Variants in WDHD1 observed in about 807,000 individuals in gnomAD.
WDHD1 encodes WD repeat and HMG-box DNA binding protein 1.
A neutral mutation model predicts 135.4 loss-of-function variants in WDHD1; 111 were observed. The ratio of observed to expected loss-of-function variants is 0.82; its 90% CI spans 0.70 to 0.96. WDHD1 has a LOEUF of 0.96. Ranked by LOEUF, WDHD1 falls within the 40% of genes least tolerant of loss-of-function variation. WDHD1 has a pLI of 0.00. For missense variants in WDHD1, 1,351 were observed against 1,336.3 expected, an observed-to-expected ratio of 1.01 and a Z score of -0.17; for synonymous variants, 434 against 439.0, an observed-to-expected ratio of 0.99 and a Z score of 0.14.
intron 12 of WDHD1, among the ~76,000 whole-genome samples, chr14:54,990,406 T>C (rs1009214237): frequency 6.6e-6 from 1 of 151,870 alleles, no homozygotes; most frequent in Non-Finnish European, 1.5e-5. Context: ...GACCATCCTG[T>C]CTAACATGGT....
At chr14:55,009,823 CT>C (rs1566741142) in intron 4 of WDHD1, among the ~76,000 whole-genome samples, 1 of 151,824 alleles carries the variant, frequency 6.6e-6, no homozygotes, top group African/African-American at 2.4e-5. Context: ...TATTTCTTTC[CT>C]TTTTTTCTTT....
chr14:55,005,672 T>C (rs987633033), intron 7 of WDHD1: 4 of 534,896 alleles, frequency 7.5e-6, no homozygotes, highest in Non-Finnish European at 1.4e-5. Flanking sequence ...TTGCAGGACA[T>C]AGAGGTTCTA....
intron 8 of WDHD1, 128 bp from the exon 9 acceptor site, chr14:55,001,120 A>AT: frequency 2.0e-6 from 1 of 497,408 alleles, no homozygotes. Context: ...CCAAATTCAA[A>AT]TTTTTATATC....
chr14:54,961,384 A>G (rs772337041), intron 21 of WDHD1, among the ~76,000 whole-genome samples: 7 of 152,170 alleles, frequency 4.6e-5, no homozygotes, highest in African/African-American at 1.7e-4. Flanking sequence ...ACAGATCTGC[A>G]TGACTTGGCT....
chr14:54,986,383 G>T (rs1402462479), intron 14 of WDHD1, among the ~76,000 whole-genome samples: 1 of 152,024 alleles, frequency 6.6e-6, no homozygotes, highest in Admixed American at 6.6e-5. Flanking sequence ...ATCCAGACTT[G>T]TATTGAACTC....
At position 54,995,638 on chromosome 14, in the gene WDHD1, C is replaced by A; in HGVS notation, c.1118G>T (p.Arg373Leu). ...LMMASGRPRQRSHILEDDENS... is the reference protein window; with the variant it reads ...LMMASGRPRQLSHILEDDENS... ...TTCATCATCTTCTAGGATGTGACTTCGCTGTCTAGGACGACCTGAAGCCAT... is the reference window on the plus strand; with the variant it reads ...TTCATCATCTTCTAGGATGTGACTTAGCTGTCTAGGACGACCTGAAGCCAT... The change falls in exon 11 of 26, where the codon CGA (arginine) becomes CTA (leucine). Residue 373 changes from arginine to leucine, a missense_variant. This residue lies in a region of WDHD1 where 1,330 missense variants were observed against 1,296.1 expected (regional missense o/e 1.03). Transcript: ENST00000360586. 6.2e-7 allele frequency: 1 copy of A among 1,609,332 alleles called. No individual in the cohort carries two copies. The highest frequency in any genetic ancestry group is 8.5e-7 in the Non-Finnish European group (1 of 1,177,980).
At chr14:54,956,936 A>C in intron 23 of WDHD1, 98 bp downstream of exon 23, 3 of 1,430,906 alleles carry the variant, frequency 2.1e-6, no homozygotes, top group Non-Finnish European at 2.8e-6. Context: ...AATTGTAAAC[A>C]ATCAGAACCT....
chr14:55,000,054 A>G (rs2041953745), intron 10 of WDHD1, among the ~76,000 whole-genome samples: 1 of 152,222 alleles, frequency 6.6e-6, no homozygotes, highest in Admixed American at 6.5e-5. Context: ...AGTCTAAACT[A>G]AGACTTGAAT....
chr14:54,990,717 C>A (rs1187932024), intron 12 of WDHD1, among the ~76,000 whole-genome samples: 1 of 152,046 alleles, frequency 6.6e-6, no homozygotes, highest in Non-Finnish European at 1.5e-5. Flanking sequence ...AAGAACATAT[C>A]AGTAAACAAA....
At chr14:55,003,922 G>A (rs1299316266) in intron 7 of WDHD1, among the ~76,000 whole-genome samples, 2 of 152,102 alleles carry the variant, frequency 1.3e-5, no homozygotes, top group Non-Finnish European at 2.9e-5. Flanking sequence ...TCTTTCTAAT[G>A]GGTTTCTATT....
intron 2 of WDHD1, among the ~76,000 whole-genome samples, chr14:55,021,397 A>G (rs1415319836): frequency 6.7e-6 from 1 of 148,876 alleles, no homozygotes; most frequent in East Asian, 2.0e-4. Flanking sequence ...TTTAGTGTCT[A>G]TTAGCGTTCC....
chr14:54,981,659 T>TA lies in WDHD1; in HGVS notation c.1943_1944insT (p.Met649AsnfsTer3). On this transcript the variant is annotated frameshift_variant, in exon 16 of 26. Coordinates refer to ENST00000360586, the MANE Select transcript of WDHD1 (RefSeq NM_007086.4). LOFTEE classifies it high-confidence loss of function. ...TATTACCAAGTCCTCTGTTAAGCAT[T>TA]CGAACAATTCCTTCTGAATCCACGT... is the stretch of plus-strand genomic sequence containing the variant. 1 of 1,611,696 alleles carries TA rather than the reference T, an allele frequency of 6.2e-7. No homozygotes were observed. The highest frequency in any genetic ancestry group is 8.5e-7 in the Non-Finnish European group (1 of 1,178,192).
intron 2 of WDHD1, among the ~76,000 whole-genome samples, chr14:55,021,465 G>C (rs1041393498): frequency 6.6e-6 from 1 of 151,564 alleles, no homozygotes; most frequent in Non-Finnish European, 1.5e-5. Context: ...AATGTGCAGC[G>C]GCACAATCTC....
intron 16 of WDHD1, among the ~76,000 whole-genome samples, chr14:54,976,747 T>C (rs928824827): frequency 1.3e-5 from 2 of 151,114 alleles, no homozygotes; most frequent in East Asian, 3.9e-4. Flanking sequence ...AAATAAATAA[T>C]AAATAATAAA....
chr14:55,020,066 G>A (rs1229594800), intron 2 of WDHD1, among the ~76,000 whole-genome samples: 3 of 152,132 alleles, frequency 2.0e-5, no homozygotes, highest in African/African-American at 7.2e-5. Context: ...GTCTCATGAG[G>A]TTCATGGTGA....
rs369698327 is a variant in WDHD1, at chr14:55,007,231, T to TAAAAAAA, written c.600+42_600+48dup. On this transcript the variant is annotated intron_variant, in intron 7 of 25. Transcript: ENST00000360586. The stretch of plus-strand genomic sequence containing the variant: ...AGACAGAGTGAGACTCCATCTCTAA[T>TAAAAAAA]AAAAAAAAAAAAAAAAAAGAAAAGA... The TAAAAAAA allele has an allele frequency of 2.5e-4, 268 of 1,056,280 alleles. 8 individuals carry two copies. The highest frequency in any genetic ancestry group is 1.3e-3 in the South Asian group (82 of 62,418). The allele number at this position is 1,056,280 out of a possible 1,614,324, so 65.4% of individuals were successfully genotyped here.
chr14:54,984,003 A>G (rs909115078), intron 15 of WDHD1, among the ~76,000 whole-genome samples: 10 of 152,206 alleles, frequency 6.6e-5, no homozygotes, highest in Non-Finnish European at 1.5e-4. Context: ...AGCACATCTC[A>G]GCCATATTTC....
At chr14:54,995,129 G>A (rs1353255007) in intron 11 of WDHD1, among the ~76,000 whole-genome samples, 2 of 151,956 alleles carry the variant, frequency 1.3e-5, no homozygotes, top group Non-Finnish European at 2.9e-5. Flanking sequence ...TTACAGGCAC[G>A]TGCCACCACA....
At chr14:55,016,833 T>C (rs150031957) in intron 2 of WDHD1, among the ~76,000 whole-genome samples, 1 of 152,350 alleles carries the variant, frequency 6.6e-6, no homozygotes, top group African/African-American at 2.4e-5. Flanking sequence ...CCAAGTTTTC[T>C]GGTGCAAGCA....
Sources: gnomAD v4.1 joint callset for allele counts (sites outside exome capture counted in the v4.1 genomes callset) on GRCh38, gnomAD v4.1.1 for gene constraint, gnomAD v4.1.1 regional missense constraint, MANE v1.5 for transcripts, NCBI Gene and HGNC (gene_info 2026-07-23, HGNC 2026-07-21) for gene names.